The following SKIL variants were observed in gnomAD, a reference collection of about 807,000 sequenced individuals.
The protein encoded by SKIL is ski-like protein.
A neutral mutation model predicts 69.6 loss-of-function variants in SKIL; 20 were observed. The ratio of observed to expected loss-of-function variants is 0.29; its 90% CI spans 0.20 to 0.42. The LOEUF (loss-of-function observed/expected upper bound fraction) is 0.42. Among genes scored for constraint, SKIL ranks in the 10% least tolerant of loss-of-function variants. The pLI, the probability that SKIL is intolerant of heterozygous loss-of-function variation, is 1.00. For synonymous variants in SKIL, 310 were observed against 279.9 expected, an observed-to-expected ratio of 1.11 and a Z score of -1.08; for missense variants, 745 against 783.1, an observed-to-expected ratio of 0.95 and a Z score of 0.58.
At position 170,396,768 on chromosome 3, in the gene SKIL, A is replaced by T. The variant is rs1738206508; in HGVS notation, c.*4351A>T. The T allele has an allele frequency of 6.6e-6, 1 of 152,214 alleles. No homozygotes were observed. The allele number at this position is 152,214 out of a possible 1,614,324, so 9.4% of individuals were successfully genotyped here. On this transcript the variant is annotated 3_prime_UTR_variant, in exon 7 of 7. Transcript: ENST00000259119. ...GTATTTTGTGCTGTTTTCCATTTTC[A>T]TGCCTTGTAAATAACTTGTATAGAT...
At chr3:170,357,853 G>C (rs956598742) in intron 1 of SKIL, 90 bp downstream of exon 1, 8 of 153,694 alleles carry the variant, frequency 5.2e-5, no homozygotes, top group African/African-American at 1.4e-4. Flanking sequence ...CGGCGACAGG[G>C]GCGGTGGGGA....
intron 1 of SKIL, among the ~76,000 whole-genome samples, chr3:170,358,080 C>T (rs1736023035): frequency 6.6e-6 from 1 of 151,946 alleles, no homozygotes; most frequent in Non-Finnish European, 1.5e-5. Flanking sequence ...CCCGTCACCG[C>T]CCCCCTCCCC....
rs144537403 is a variant in SKIL at position 170,379,946 on chromosome 3, T to C, written c.1099-1298T>C. ...GGTGTGAGCCACTGAACCGAGCCCC[T>C]CTTCAATTTCTGAACGTCAGTTGTT... On this transcript the variant is annotated intron_variant, in intron 2 of 6. Transcript: ENST00000259119. 5.1e-3 allele frequency among the ~76,000 whole-genome samples: 771 copies of C among 152,200 alleles called. 4 individuals carry two copies. The highest frequency in any genetic ancestry group is 0.017 in the African/African-American group (716 of 41,532).
rs566766193 is a variant in SKIL at position 170,380,030 on chromosome 3, G to A, written c.1099-1214G>A. On this transcript the variant is annotated intron_variant, in intron 2 of 6. Transcript: ENST00000259119. The stretch of plus-strand genomic sequence containing the variant: ...AATGGGGGATATTTGTTAGAATTAA[G>A]AATGATGTATAAAGTTCTCAGCCCG... 3.7e-4 allele frequency among the ~76,000 whole-genome samples: 57 copies of A among 152,264 alleles called. 1 individual carries two copies. The highest frequency in any genetic ancestry group is 1.3e-3 in the African/African-American group (56 of 41,560).
chr3:170,364,532 C>T (rs967614254), intron 2 of SKIL, among the ~76,000 whole-genome samples: 59 of 151,860 alleles, frequency 3.9e-4, no homozygotes, highest in African/African-American at 1.3e-3. Flanking sequence ...ACAGCCTAGC[C>T]GGCTGGTCTT....
chr3:170,386,738 G>A (rs1296823231), intron 4 of SKIL, among the ~76,000 whole-genome samples: 3 of 152,060 alleles, frequency 2.0e-5, no homozygotes, highest in Non-Finnish European at 4.4e-5. Flanking sequence ...CTAAAGCATT[G>A]GGATTACAGA....
chr3:170,358,307 C>T (rs573378101), intron 1 of SKIL, among the ~76,000 whole-genome samples: 1 of 151,788 alleles, frequency 6.6e-6, no homozygotes, highest in East Asian at 2.0e-4. Flanking sequence ...CACAGTCCTT[C>T]CCGCGGCCCC....
intron 2 of SKIL, among the ~76,000 whole-genome samples, chr3:170,378,947 G>A (rs1737190989): frequency 6.6e-6 from 1 of 151,810 alleles, no homozygotes; most frequent in Admixed American, 6.6e-5. Flanking sequence ...TGCAATCTCG[G>A]CTTACTGCAG....
rs1435777228 is a variant in SKIL at position 170,361,019 on chromosome 3, T to C, written c.688T>C (p.Cys230Arg). ...LITLTDAQRL[C>R]NALLRPRTFP... is the part of the protein sequence containing the mutation. ...TACATTAACTGATGCACAAAGATTA[T>C]GTAATGCTTTATTGCGGCCACGAAC... is the stretch of plus-strand genomic sequence containing the variant. The change falls in exon 2 of 7, where the codon TGT becomes CGT. Residue 230 changes from cysteine to arginine, a missense_variant. Transcript: ENST00000259119. 2 of 1,614,238 alleles carry C rather than the reference T, an allele frequency of 1.2e-6. No individual in the cohort carries two copies. The highest frequency in any genetic ancestry group is 1.7e-6 in the Non-Finnish European group (2 of 1,180,038).
intron 2 of SKIL, among the ~76,000 whole-genome samples, chr3:170,374,597 C>T (rs1179417058): frequency 3.3e-5 from 5 of 152,014 alleles, no homozygotes; most frequent in African/African-American, 1.2e-4. Context: ...TTATATTGTT[C>T]TTTTTTTGAA....
At position 170,396,155 on chromosome 3, in the gene SKIL, A is replaced by T. The variant is rs1445951123; in HGVS notation, c.*3738A>T. 2 of 152,042 alleles carry T rather than the reference A, an allele frequency of 1.3e-5. No homozygotes were observed. Among genetic ancestry groups the T allele is most frequent in the East Asian group, 3.8e-4 (2 of 5,196 alleles). The allele number at this position is 152,042 out of a possible 1,614,324, so 9.4% of individuals were successfully genotyped here. A position where few individuals can be genotyped will look rare whatever the true frequency, so the allele number is the denominator to read the frequency against. On this transcript the variant is annotated 3_prime_UTR_variant, in exon 7 of 7. Coordinates refer to ENST00000259119, the MANE Select transcript of SKIL (RefSeq NM_005414.5). ...GAAAGTGATCAAATGTAAGAAAAAA[A>T]TTTAAAAATTCAGCCCAGAAAACAA...
At position 170,392,395 on chromosome 3, in the gene SKIL, C is replaced by A. The variant is rs762675849; in HGVS notation, c.2033C>A (p.Ser678Ter). ...GAGCTAAAGCTGCAAATTCTGAAAT[C>A]ATCAAAGACTGCTAAAGAATAGAAA... ...IKELKLQILK[S>*]SKTAKE The change falls in exon 7 of 7, where the codon TCA becomes TAA. Residue 678 changes from serine to a stop codon, truncating the protein, a stop_gained. Transcript: ENST00000259119. LOFTEE classifies it high-confidence loss of function. The A allele has an allele frequency of 6.2e-7, 1 of 1,610,106 alleles. No homozygotes were observed. The highest frequency in any genetic ancestry group is 2.2e-5 in the East Asian group (1 of 44,808).
intron 2 of SKIL, among the ~76,000 whole-genome samples, chr3:170,377,815 A>C (rs1359363037): frequency 6.6e-6 from 1 of 151,434 alleles, no homozygotes; most frequent in Non-Finnish European, 1.5e-5. Flanking sequence ...TGGCCTCCCA[A>C]AGTGCTGGGA....
chr3:170,382,190 T>C (rs902446760), intron 3 of SKIL, among the ~76,000 whole-genome samples: 96 of 152,322 alleles, frequency 6.3e-4, no homozygotes, highest in African/African-American at 2.1e-3. Flanking sequence ...GTGAATTGTA[T>C]TGTTACTCTT....
At chr3:170,364,966 T>G (rs757170387) in intron 2 of SKIL, among the ~76,000 whole-genome samples, 55 of 152,368 alleles carry the variant, frequency 3.6e-4, no homozygotes, top group Non-Finnish European at 3.7e-4. Flanking sequence ...GCTTGTAATT[T>G]TATGTGAATT....
At chr3:170,366,632 T>TG (rs1736526921) in intron 2 of SKIL, among the ~76,000 whole-genome samples, 1 of 151,850 alleles carries the variant, frequency 6.6e-6, no homozygotes, top group African/African-American at 2.4e-5. Flanking sequence ...GAGTTCACAC[T>TG]GCCCTTCATC....
intron 2 of SKIL, among the ~76,000 whole-genome samples, chr3:170,371,596 C>G (rs954380404): frequency 6.6e-6 from 1 of 152,214 alleles, no homozygotes; most frequent in African/African-American, 2.4e-5. Context: ...CAGTGTTTTT[C>G]TAACTGCAAT....
intron 2 of SKIL, among the ~76,000 whole-genome samples, chr3:170,380,655 A>AAT (rs1560216388): frequency 6.6e-5 from 10 of 151,290 alleles, no homozygotes; most frequent in South Asian, 4.2e-4. Flanking sequence ...AAAAAAAAAA[A>AAT]AAATAAATAA....
In SKIL at chr3:170,392,363, G is replaced by C. The variant is rs1476999312; in HGVS notation, c.2001G>C (p.Met667Ile). Residue 667 changes from methionine to isoleucine, a missense_variant, in exon 7 of 7, where the codon ATG becomes ATC. Met to Ile is a conservative substitution (Grantham distance 10). Transcript: ENST00000259119. ...EREARQKLEMMIKELKLQILK... is the reference protein window; with the variant it reads ...EREARQKLEMIIKELKLQILK... The stretch of plus-strand genomic sequence containing the variant: ...AAGCAAGACAGAAGTTAGAGATGAT[G>C]ATAAAAGAGCTAAAGCTGCAAATTC... 2 of 1,612,330 alleles carry C rather than the reference G, an allele frequency of 1.2e-6. No individual in the cohort carries two copies. The highest frequency in any genetic ancestry group is 1.7e-6 in the Non-Finnish European group (2 of 1,178,700).
Sources: allele counts gnomAD v4.1 joint callset (sites outside exome capture counted in the v4.1 genomes callset), GRCh38; gene constraint gnomAD v4.1.1; transcripts MANE v1.5; gene names NCBI Gene and HGNC (gene_info 2026-07-23, HGNC 2026-07-21).